The following SKA1 variants were observed in gnomAD, a reference collection of about 807,000 sequenced individuals.
The protein encoded by SKA1 is SKA complex subunit 1.
Under a neutral mutation model 31.8 loss-of-function variants are expected in SKA1, and 20 were observed. The observed-to-expected ratio is 0.63, with a 90% CI of 0.44 to 0.91. The LOEUF (loss-of-function observed/expected upper bound fraction) is 0.91. Among genes scored for constraint, SKA1 ranks in the 40% least tolerant of loss-of-function variants. The pLI is 0.00. For synonymous variants in SKA1, 88 were observed against 100.5 expected, an observed-to-expected ratio of 0.88 and a Z score of 0.74; for missense variants, 253 against 298.2, an observed-to-expected ratio of 0.85 and a Z score of 1.12.
intron 6 of SKA1, 83 bp from the exon 7 acceptor site, chr18:50,392,016 C>T: frequency 9.6e-7 from 1 of 1,040,216 alleles, no homozygotes; most frequent in Non-Finnish European, 1.4e-6. Context: ...CGACTAATAC[C>T]ATTCATATTC....
Position 50,385,236 on chromosome 18 carries a change from A to T in SKA1, c.332A>T (p.Asp111Val). The T allele has an allele frequency of 6.2e-7, 1 of 1,613,446 alleles. No homozygotes were observed. The highest frequency in any genetic ancestry group is 2.2e-5 in the East Asian group (1 of 44,788). Residue 111 changes from aspartate (D) to valine (V), a missense_variant, in exon 5 of 7, where the codon GAT becomes GTT. Transcript: ENST00000285116. ...TGTAGTGTTAAGGGATCAGATCTTG[A>T]TCCTGAAGAACCAATCAAAGTTGAA... ...TQSCVKGSDL[D>V]PEEPIKVEEP...
intron 5 of SKA1, among the ~76,000 whole-genome samples, chr18:50,389,738 T>A (rs917326703): frequency 6.6e-6 from 1 of 152,204 alleles, no homozygotes. Context: ...GAAAACTGTT[T>A]GATGCTCTGA....
At chr18:50,391,694 CAG>C in intron 6 of SKA1, among the ~76,000 whole-genome samples, 1 of 152,158 alleles carries the variant, frequency 6.6e-6, no homozygotes, top group Non-Finnish European at 1.5e-5. Context: ...TACTGTATGG[CAG>C]AGAGTGTGCC....
intron 5 of SKA1, among the ~76,000 whole-genome samples, chr18:50,387,902 T>C (rs1235975122): frequency 6.6e-6 from 1 of 152,230 alleles, no homozygotes; most frequent in African/African-American, 2.4e-5. Flanking sequence ...TATTTTTATC[T>C]TATGCCTAGT....
chr18:50,392,121 T>A lies in SKA1; in HGVS notation c.642T>A (p.Ala214=). ...DTKGRYFIVE[A]DIKEFTTLKA... Reference sequence around the variant, plus strand: ...TAGGTCGTTATTTTATAGTGGAAGCTGACATAAAGGAGTTCACAACTTTGA... The same window carrying A: ...TAGGTCGTTATTTTATAGTGGAAGCAGACATAAAGGAGTTCACAACTTTGA... Residue 214 remains alanine, a synonymous_variant, in exon 7 of 7, where the codon GCT becomes GCA. Coordinates refer to ENST00000285116, the MANE Select transcript of SKA1 (RefSeq NM_145060.4). 6.3e-7 allele frequency: 1 copy of A among 1,587,644 alleles called. No individual in the cohort carries two copies. The highest frequency in any genetic ancestry group is 8.5e-7 in the Non-Finnish European group (1 of 1,172,990).
intron 5 of SKA1, among the ~76,000 whole-genome samples, chr18:50,385,801 G>A (rs545853340): frequency 6.6e-6 from 1 of 152,194 alleles, no homozygotes; most frequent in African/African-American, 2.4e-5. Context: ...AAGACAAAAT[G>A]CTTCCCCCAA....
At chr18:50,389,677 G>A (rs1165635213) in intron 5 of SKA1, among the ~76,000 whole-genome samples, 3 of 152,190 alleles carry the variant, frequency 2.0e-5, no homozygotes, top group Non-Finnish European at 2.9e-5. Context: ...GATTACAGGT[G>A]TGAGCCACCA....
In SKA1 at chr18:50,392,287, G is replaced by C. The variant is rs1348865895; in HGVS notation, c.*40G>C. The C allele has an allele frequency of 1.6e-6, 2 of 1,236,550 alleles. No homozygotes were observed. Among genetic ancestry groups the C allele is most frequent in the Non-Finnish European group, 2.1e-6 (2 of 946,642 alleles). 76.6% of individuals were successfully genotyped at this position (1,236,550 alleles called of 1,614,324 possible). ...TTTGAACATACCAACAGGGTATAGA[G>C]TATAGAGGCTATTTCTATAATTTTC... On this transcript the variant is annotated 3_prime_UTR_variant, in exon 7 of 7. Coordinates refer to ENST00000285116, the MANE Select transcript of SKA1 (RefSeq NM_145060.4).
intron 3 of SKA1, among the ~76,000 whole-genome samples, chr18:50,381,846 CTCCTGAGTAGCTGGGACTA>C (rs2041266100): frequency 6.6e-6 from 1 of 151,996 alleles, no homozygotes. Context: ...CCCCCTCAGC[CTCCTGAGTAGCTGGGACTA>C]TAGGCGCGTG....
chr18:50,382,566 T>G (rs930856194), intron 4 of SKA1, among the ~76,000 whole-genome samples: 1 of 151,712 alleles, frequency 6.6e-6, no homozygotes, highest in African/African-American at 2.4e-5. Context: ...CATTGAGTAG[T>G]GTTCTTGATC....
chr18:50,380,439 C>T (rs1249676346), intron 3 of SKA1, among the ~76,000 whole-genome samples, 189 bp downstream of exon 3: 3 of 152,196 alleles, frequency 2.0e-5, no homozygotes, highest in Non-Finnish European at 4.4e-5. Context: ...CTACTTTCTG[C>T]TGATGGCCAG....
chr18:50,377,799 A>T (rs574219640), intron 2 of SKA1, among the ~76,000 whole-genome samples: 3 of 152,220 alleles, frequency 2.0e-5, no homozygotes, highest in Non-Finnish European at 2.9e-5. Context: ...TTCGAATTAT[A>T]CCTCCCCTCT....
intron 5 of SKA1, among the ~76,000 whole-genome samples, chr18:50,387,202 C>G (rs8099445): frequency 0.037 from 5,675 of 152,326 alleles, 337 homozygotes; most frequent in African/African-American, 0.12. Flanking sequence ...TTTAGCCACT[C>G]TAATAGGTGT....
chr18:50,380,059 G>A (rs1305194161), intron 2 of SKA1, 67 bp from the exon 3 acceptor site: 17 of 1,320,394 alleles, frequency 1.3e-5, no homozygotes, highest in African/African-American at 1.1e-4. Context: ...CTAAGAGTTC[G>A]CATGAGTACT....
At position 50,382,243 on chromosome 18, in the gene SKA1, T is replaced by C. The variant is rs1203856585; in HGVS notation, c.311+17T>C. 2 of 1,383,436 alleles carry C rather than the reference T, an allele frequency of 1.4e-6. No individual in the cohort carries two copies. The highest frequency in any genetic ancestry group is 1.9e-6 in the Non-Finnish European group (2 of 1,032,084). The allele number at this position is 1,383,436 out of a possible 1,614,324, so 85.7% of individuals were successfully genotyped here. On this transcript the variant is annotated intron_variant, in intron 4 of 6. Transcript: ENST00000285116. ...CCAGAGCTGGTAAGTGTATTTATAA[T>C]TATTCTTGCTATCTGGATTTATAAA...
At chr18:50,392,025 TCA>T in intron 6 of SKA1, 72 bp from the exon 7 acceptor site, 1 of 1,187,172 alleles carries the variant, frequency 8.4e-7, no homozygotes, top group Non-Finnish European at 1.2e-6. Flanking sequence ...CCATTCATAT[TCA>T]CAACTTAATG....
In SKA1 at chr18:50,380,525, T is replaced by G. The variant is rs1481012764; in HGVS notation, c.213+275T>G. Among the ~76,000 whole-genome samples, 3 of 152,332 alleles carry G rather than the reference T, an allele frequency of 2.0e-5. No individual in the cohort carries two copies. In the East Asian group the frequency reaches 5.8e-4, roughly 29 times the overall value. ...TTTAATTTAAACAATGATGTTCTAG[T>G]AGAGTGGTATGTAAAGAACACCTGC... On this transcript the variant is annotated intron_variant, in intron 3 of 6. Transcript: ENST00000285116.
intron 4 of SKA1, among the ~76,000 whole-genome samples, chr18:50,382,722 G>A (rs937620981): frequency 1.3e-5 from 2 of 152,044 alleles, no homozygotes; most frequent in Non-Finnish European, 2.9e-5. Flanking sequence ...TAAGCTTAAG[G>A]AAGTTACCAT....
chr18:50,384,644 G>T lies in SKA1; in HGVS notation c.312-572G>T, dbSNP rs113417882. 4.8e-3 allele frequency among the ~76,000 whole-genome samples: 645 copies of T among 135,220 alleles called. 71 individuals carry two copies. Among genetic ancestry groups the T allele is most frequent in the African/African-American group, 0.022 (618 of 28,458 alleles). 88.7% of individuals were successfully genotyped at this position (135,220 alleles called of 152,430 possible). The stretch of plus-strand genomic sequence containing the variant: ...GACGTCAGGAAGACAAGCTGTTAAG[G>T]GGTTAGAACAATGAGATCACATGGA... On this transcript the variant is annotated intron_variant, in intron 4 of 6. Transcript: ENST00000285116.
Sources: gnomAD v4.1 joint callset for allele counts (sites outside exome capture counted in the v4.1 genomes callset) on GRCh38, gnomAD v4.1.1 for gene constraint, MANE v1.5 for transcripts, NCBI Gene and HGNC (gene_info 2026-07-23, HGNC 2026-07-21) for gene names.